Variants in FKTN observed in about 807,000 individuals in gnomAD.
The protein encoded by FKTN is fukutin.
In FKTN, 47 loss-of-function variants were observed where a neutral mutation model predicts 58.6. The ratio of observed to expected loss-of-function variants is 0.80; its 90% CI spans 0.63 to 1.02. The LOEUF is 1.02. Ranked by LOEUF, FKTN falls within the 50% of genes least tolerant of loss-of-function variation. FKTN has a pLI of 0.00. For missense variants in FKTN, 516 were observed against 537.3 expected (o/e 0.96, Z 0.39); for synonymous variants, 178 against 191.9 (o/e 0.93, Z 0.60).
chr9:105,570,794 G>A (rs1840602958), intron 1 of FKTN, among the ~76,000 whole-genome samples: 1 of 152,110 alleles, frequency 6.6e-6, no homozygotes, highest in South Asian at 2.1e-4. Flanking sequence ...CTTCTAACCT[G>A]GAAGAATATT....
Position 105,636,263 on chromosome 9 carries a change from T to C in FKTN, c.*999T>C, listed in dbSNP as rs1834027682. 18 of 930,690 alleles carry C rather than the reference T, an allele frequency of 1.9e-5. No homozygotes were observed. The highest frequency in any genetic ancestry group is 2.2e-5 in the Non-Finnish European group (17 of 780,238). 57.7% of individuals were successfully genotyped at this position (930,690 alleles called of 1,614,324 possible). Reference sequence around the variant, plus strand: ...AAACATACTCTTTATTATCTTCATTTATCAATTACAGCTTCGTATCTCTAA... The same window carrying C: ...AAACATACTCTTTATTATCTTCATTCATCAATTACAGCTTCGTATCTCTAA... On this transcript the variant is annotated 3_prime_UTR_variant, in exon 11 of 11. Coordinates refer to ENST00000357998, the MANE Select transcript of FKTN (RefSeq NM_001079802.2).
intron 5 of FKTN, among the ~76,000 whole-genome samples, chr9:105,603,188 T>C (rs1828208058): frequency 6.6e-6 from 1 of 152,224 alleles, no homozygotes; most frequent in South Asian, 2.1e-4. Flanking sequence ...CACGTTCTTC[T>C]CAAGTTCTGG....
chr9:105,640,005 T>C lies in FKTN; in HGVS notation c.*4741T>C. 2.0e-6 allele frequency: 3 copies of C among 1,520,736 alleles called. No individual in the cohort carries two copies. The South Asian group carries it at 3.6e-5, about 18-fold the overall frequency. 94.2% of individuals were successfully genotyped at this position (1,520,736 alleles called of 1,614,324 possible). ...GAATACTTAATTTCATTTAATTATC[T>C]ATGCTGATGAATGCCTGTATCATTG... On this transcript the variant is annotated 3_prime_UTR_variant, in exon 11 of 11. Coordinates refer to ENST00000357998, the MANE Select transcript of FKTN (RefSeq NM_001079802.2).
intron 1 of FKTN, among the ~76,000 whole-genome samples, chr9:105,565,568 G>A (rs1839408619): frequency 6.6e-6 from 1 of 151,878 alleles, no homozygotes; most frequent in Non-Finnish European, 1.5e-5. Context: ...TTACATAATG[G>A]TAAAGGGATC....
At chr9:105,586,881 A>G (rs556584696) in intron 3 of FKTN, among the ~76,000 whole-genome samples, 6 of 152,296 alleles carry the variant, frequency 3.9e-5, no homozygotes, top group African/African-American at 1.4e-4. Flanking sequence ...TATATTTTTT[A>G]CTTTTTCATA....
chr9:105,563,665 T>G (rs1438051516), intron 1 of FKTN, among the ~76,000 whole-genome samples: 1 of 151,946 alleles, frequency 6.6e-6, no homozygotes, highest in Non-Finnish European at 1.5e-5. Flanking sequence ...AAGCTCGAAC[T>G]GGGTGGAGCC....
In FKTN at chr9:105,618,108, C is replaced by A; in HGVS notation, c.1044+16C>A. The A allele has an allele frequency of 6.2e-7, 1 of 1,607,690 alleles. No homozygotes were observed. The highest frequency in any genetic ancestry group is 1.1e-5 in the South Asian group (1 of 90,980). On this transcript the variant is annotated intron_variant, in intron 9 of 10. Transcript: ENST00000357998. ...ATTTGGGAAGGTCAGTAACAAAAGT[C>A]GGCTTCATTTCATAAGTAACATATC...
rs1831958099 is a variant in FKTN at position 105,621,612 on chromosome 9, G to A, written c.1172+1551G>A. 2.0e-5 allele frequency among the ~76,000 whole-genome samples: 3 copies of A among 151,812 alleles called. No individual in the cohort carries two copies. In the South Asian group the frequency reaches 6.2e-4, roughly 32 times the overall value. ...CTCATTTCTTATGTATCCTTTCCGA[G>A]ACAAACATATGCTCGTATACATATA... On this transcript the variant is annotated intron_variant, in intron 10 of 10. Transcript: ENST00000357998.
chr9:105,578,146 T>C lies in FKTN; in HGVS notation c.105+3009T>C, dbSNP rs867119433. On this transcript the variant is annotated intron_variant, in intron 3 of 10. Transcript: ENST00000357998. Reference sequence around the variant, plus strand: ...ACAGTTTGACTTCCTCTTTTCCTAATTGAATACCCTTTATTTCCTTCTCCT... The same window carrying C: ...ACAGTTTGACTTCCTCTTTTCCTAACTGAATACCCTTTATTTCCTTCTCCT... Among the ~76,000 whole-genome samples, 93 of 150,792 alleles carry C rather than the reference T, an allele frequency of 6.2e-4. 2 individuals are homozygous for C. In the South Asian group the frequency reaches 0.015, roughly 24 times the overall value.
At chr9:105,599,832 A>G (rs1827545162) in intron 4 of FKTN, among the ~76,000 whole-genome samples, 1 of 152,080 alleles carries the variant, frequency 6.6e-6, no homozygotes, top group Non-Finnish European at 1.5e-5. Flanking sequence ...AAAATCAGAT[A>G]GGAAGTATTT....
chr9:105,575,213 A>G (rs1841453087), intron 3 of FKTN, 76 bp downstream of exon 3: 5 of 865,668 alleles, frequency 5.8e-6, no homozygotes, highest in Non-Finnish European at 4.0e-6. Flanking sequence ...TCTCTTTGCA[A>G]TACATAATAT....
At chr9:105,632,575 T>C in intron 10 of FKTN, among the ~76,000 whole-genome samples, 1 of 152,030 alleles carries the variant, frequency 6.6e-6, no homozygotes, top group Non-Finnish European at 1.5e-5. Flanking sequence ...CATTTAGCAG[T>C]TGTATTCATA....
At chr9:105,562,057 C>T (rs1838397064) in intron 1 of FKTN, among the ~76,000 whole-genome samples, 1 of 152,058 alleles carries the variant, frequency 6.6e-6, no homozygotes, top group African/African-American at 2.4e-5. Context: ...CTCTGTAGTT[C>T]AGCCTCCTGT....
intron 3 of FKTN, among the ~76,000 whole-genome samples, chr9:105,594,855 T>C (rs769464480): frequency 2.6e-5 from 4 of 152,064 alleles, no homozygotes; most frequent in Admixed American, 6.5e-5. Context: ...TAAAATGAAG[T>C]CAGATGGAGG....
At chr9:105,615,502 G>C in intron 8 of FKTN, 95 bp downstream of exon 8, 3 of 1,176,020 alleles carry the variant, frequency 2.6e-6, no homozygotes, top group Non-Finnish European at 3.8e-6. Flanking sequence ...AGTGACATTT[G>C]AAGTGTCATG....
intron 3 of FKTN, among the ~76,000 whole-genome samples, chr9:105,587,356 A>T (rs537606800): frequency 8.5e-5 from 13 of 152,350 alleles, no homozygotes; most frequent in African/African-American, 3.1e-4. Context: ...GGCAGTAGTC[A>T]TTCACAGTGA....
intron 8 of FKTN, among the ~76,000 whole-genome samples, chr9:105,616,431 A>G (rs1830828821): frequency 1.3e-5 from 2 of 152,180 alleles, no homozygotes; most frequent in Non-Finnish European, 2.9e-5. Context: ...CACTAACTAG[A>G]CATCACTGTT....
At chr9:105,613,720 A>G (rs1830332924) in intron 7 of FKTN, among the ~76,000 whole-genome samples, 1 of 152,262 alleles carries the variant, frequency 6.6e-6, no homozygotes, top group Admixed American at 6.5e-5. Context: ...TATGATATGA[A>G]TTATAGTAAA....
intron 10 of FKTN, among the ~76,000 whole-genome samples, chr9:105,633,071 G>A (rs1489718249): frequency 3.3e-5 from 5 of 152,070 alleles, no homozygotes; most frequent in Admixed American, 3.3e-4. Flanking sequence ...TTTATTGTTT[G>A]TTTATCTTTC....
Sources: gnomAD v4.1 joint callset for allele counts (sites outside exome capture counted in the v4.1 genomes callset) on GRCh38, gnomAD v4.1.1 for gene constraint, MANE v1.5 for transcripts, NCBI Gene and HGNC (gene_info 2026-07-23, HGNC 2026-07-21) for gene names.